The following THSD7B variants were observed in gnomAD, a reference collection of about 807,000 sequenced individuals.
THSD7B encodes the protein thrombospondin type 1 domain containing 7B.
In THSD7B, 138 loss-of-function variants were observed where a neutral mutation model predicts 213.6. The observed-to-expected ratio is 0.65, with a 90% confidence interval of 0.56 to 0.74. The LOEUF (loss-of-function observed/expected upper bound fraction) is 0.74. Ranked by LOEUF, THSD7B falls within the 30% of genes least tolerant of loss-of-function variation. THSD7B has a pLI of 0.00. For synonymous variants in THSD7B, 742 were observed against 687.0 expected (o/e 1.08, Z -1.25); for missense variants, 1,931 against 1,991.5 (o/e 0.97, Z 0.58).
chr2:137,366,792 C>A (rs1362536723), intron 12 of THSD7B, among the ~76,000 whole-genome samples: 2 of 152,046 alleles, frequency 1.3e-5, no homozygotes, highest in East Asian at 1.9e-4. Flanking sequence ...TTAGTAGATT[C>A]ACTCTTGTAA....
At chr2:136,989,569 A>G (rs1237159097) in intron 2 of THSD7B, among the ~76,000 whole-genome samples, 2 of 152,208 alleles carry the variant, frequency 1.3e-5, no homozygotes, top group Non-Finnish European at 2.9e-5. Flanking sequence ...CATGAGCCAA[A>G]GAAGGAAACC....
At chr2:137,522,823 A>T (rs1187720111) in intron 15 of THSD7B, among the ~76,000 whole-genome samples, 1 of 152,190 alleles carries the variant, frequency 6.6e-6, no homozygotes, top group African/African-American at 2.4e-5. Flanking sequence ...CTTATACCAG[A>T]TAAATCATTT....
chr2:136,992,904 A>G (rs1021601678), intron 2 of THSD7B, among the ~76,000 whole-genome samples: 1 of 152,216 alleles, frequency 6.6e-6, no homozygotes, highest in Admixed American at 6.5e-5. Context: ...TTATCTGAAG[A>G]ACTGAAGAAT....
intron 20 of THSD7B, among the ~76,000 whole-genome samples, chr2:137,639,747 T>C (rs1256574096): frequency 6.6e-6 from 1 of 152,164 alleles, no homozygotes; most frequent in Non-Finnish European, 1.5e-5. Context: ...GGAGATCATT[T>C]TGGAGCTTTA....
intron 12 of THSD7B, among the ~76,000 whole-genome samples, chr2:137,277,630 G>A (rs538335026): frequency 6.6e-6 from 1 of 152,156 alleles, no homozygotes; most frequent in South Asian, 2.1e-4. Context: ...GGTAAATTAG[G>A]AGCCATCGGT....
chr2:137,592,187 T>C (rs1306844922), intron 17 of THSD7B, among the ~76,000 whole-genome samples: 1 of 151,652 alleles, frequency 6.6e-6, no homozygotes, highest in Non-Finnish European at 1.5e-5. Context: ...CTTAAATACA[T>C]ATTTCTCTGC....
At chr2:137,309,132 A>G (rs1683827265) in intron 12 of THSD7B, among the ~76,000 whole-genome samples, 1 of 152,078 alleles carries the variant, frequency 6.6e-6, no homozygotes, top group Non-Finnish European at 1.5e-5. Flanking sequence ...ACAGTGCCTC[A>G]TTCTTCATTC....
At chr2:137,088,529 G>A (rs1687884916) in intron 3 of THSD7B, among the ~76,000 whole-genome samples, 1 of 151,240 alleles carries the variant, frequency 6.6e-6, no homozygotes, top group South Asian at 2.1e-4. Flanking sequence ...AAAAATTCTG[G>A]AAGATAACAT....
At chr2:137,674,250 C>T (rs187070338) in intron 27 of THSD7B, among the ~76,000 whole-genome samples, 8 of 151,620 alleles carry the variant, frequency 5.3e-5, no homozygotes, top group African/African-American at 1.5e-4. Context: ...CTGCCAAAAT[C>T]TCTGTTTTGG....
At chr2:136,990,183 G>A (rs569273124) in intron 2 of THSD7B, among the ~76,000 whole-genome samples, 23 of 152,332 alleles carry the variant, frequency 1.5e-4, no homozygotes, top group African/African-American at 4.6e-4. Flanking sequence ...AGTTAACGGC[G>A]GAGCCCAGAG....
chr2:137,211,433 C>T (rs185438611), intron 7 of THSD7B, among the ~76,000 whole-genome samples: 1 of 148,366 alleles, frequency 6.7e-6, no homozygotes, highest in African/African-American at 2.5e-5. Context: ...CTCAATAAAG[C>T]CAGTGTTTTA....
At chr2:136,853,879 TA>T (rs1683136324) in intron 1 of THSD7B, among the ~76,000 whole-genome samples, 1 of 152,164 alleles carries the variant, frequency 6.6e-6, no homozygotes, top group African/African-American at 2.4e-5. Flanking sequence ...GTACTCTCAT[TA>T]GTTTTGTGTT....
At chr2:137,180,617 T>A (rs184046177) in intron 7 of THSD7B, among the ~76,000 whole-genome samples, 1 of 152,258 alleles carries the variant, frequency 6.6e-6, no homozygotes, top group East Asian at 1.9e-4. Flanking sequence ...CTATTGTTAT[T>A]TTTTATTCCA....
intron 15 of THSD7B, among the ~76,000 whole-genome samples, chr2:137,558,298 G>A (rs529641630): frequency 3.9e-5 from 6 of 152,212 alleles, no homozygotes; most frequent in African/African-American, 1.2e-4. Context: ...GATGAACATC[G>A]ATGCAAAAAT....
chr2:137,404,560 TAC>T (rs2105002972), intron 12 of THSD7B, among the ~76,000 whole-genome samples: 1 of 88,626 alleles, frequency 1.1e-5, no homozygotes, highest in South Asian at 4.0e-4. Context: ...TATATTTATA[TAC>T]ACACACTATA....
chr2:136,881,636 T>C, intron 1 of THSD7B, among the ~76,000 whole-genome samples: 1 of 152,080 alleles, frequency 6.6e-6, no homozygotes, highest in African/African-American at 2.4e-5. Flanking sequence ...TTCAGAGAAA[T>C]AAAAGGTATA....
intron 2 of THSD7B, among the ~76,000 whole-genome samples, chr2:136,882,592 C>T (rs1683644772): frequency 6.6e-6 from 1 of 152,176 alleles, no homozygotes; most frequent in Non-Finnish European, 1.5e-5. Context: ...TCAAATATTT[C>T]ACCAGTGTGC....
chr2:137,023,560 T>C (rs1686486105), intron 2 of THSD7B, among the ~76,000 whole-genome samples: 1 of 152,214 alleles, frequency 6.6e-6, no homozygotes, highest in African/African-American at 2.4e-5. Context: ...AGCTTTGAGC[T>C]AGCCTGGTGG....
At chr2:137,497,271 A>C (rs763713976) in intron 15 of THSD7B, among the ~76,000 whole-genome samples, 4 of 152,092 alleles carry the variant, frequency 2.6e-5, no homozygotes, top group Non-Finnish European at 4.4e-5. Context: ...GTTAAAGAAA[A>C]TAACATTCTG....
Sources: gnomAD v4.1 joint callset for allele counts (sites outside exome capture counted in the v4.1 genomes callset) on GRCh38, gnomAD v4.1.1 for gene constraint, MANE v1.5 for transcripts, NCBI Gene and HGNC (gene_info 2026-07-23, HGNC 2026-07-21) for gene names.